Variants in PCSK6 observed in about 807,000 individuals in gnomAD.
The protein encoded by PCSK6 is proprotein convertase subtilisin/kexin type 6.
A neutral mutation model predicts 123.3 loss-of-function variants in PCSK6; 85 were observed. The observed-to-expected ratio is 0.69, with a 90% confidence interval of 0.58 to 0.83. The LOEUF (loss-of-function observed/expected upper bound fraction) is 0.83. Ranked by LOEUF, PCSK6 falls within the 40% of genes least tolerant of loss-of-function variation. The probability of loss-of-function intolerance (pLI) is 0.00; values close to 1 mark genes in which losing one functional copy is unlikely to be tolerated. For missense variants in PCSK6, 1,191 were observed against 1,282.3 expected (o/e 0.93, Z 1.09); for synonymous variants, 508 against 516.0 (o/e 0.98, Z 0.21).
chr15:101,452,093 A>G (rs530183928), intron 1 of PCSK6, among the ~76,000 whole-genome samples: 1 of 152,370 alleles, frequency 6.6e-6, no homozygotes, highest in East Asian at 1.9e-4. Context: ...ATGATTGCAC[A>G]ATTTCCCAGT....
chr15:101,411,545 G>C (rs2055686250), intron 6 of PCSK6, among the ~76,000 whole-genome samples: 3 of 152,206 alleles, frequency 2.0e-5, no homozygotes, highest in African/African-American at 7.2e-5. Flanking sequence ...GGACGACCAA[G>C]AAGCAGCCCA....
At chr15:101,471,813 C>T (rs141172770) in intron 1 of PCSK6, among the ~76,000 whole-genome samples, 34 of 152,300 alleles carry the variant, frequency 2.2e-4, no homozygotes, top group African/African-American at 7.9e-4. Flanking sequence ...CATGCCCCCA[C>T]ATTTGGTTTT....
intron 13 of PCSK6, among the ~76,000 whole-genome samples, chr15:101,356,287 C>T (rs1204210300): frequency 6.6e-6 from 1 of 152,054 alleles, no homozygotes; most frequent in Non-Finnish European, 1.5e-5. Flanking sequence ...GTGGAAGCTG[C>T]CCCCTCTTCC....
chr15:101,465,813 A>C (rs200325278), intron 1 of PCSK6, among the ~76,000 whole-genome samples: 4 of 152,322 alleles, frequency 2.6e-5, no homozygotes, highest in East Asian at 1.9e-4. Flanking sequence ...AACCACTAAA[A>C]AAATTTTAAG....
At chr15:101,385,858 GGCC>G (rs1009254428) in intron 9 of PCSK6, among the ~76,000 whole-genome samples, 1 of 152,134 alleles carries the variant, frequency 6.6e-6, no homozygotes, top group Non-Finnish European at 1.5e-5. Flanking sequence ...TCATGGTTCC[GGCC>G]GCCATTTGAC....
intron 13 of PCSK6, among the ~76,000 whole-genome samples, chr15:101,332,239 C>T (rs1168718536): frequency 6.6e-6 from 1 of 152,218 alleles, no homozygotes; most frequent in East Asian, 1.9e-4. Context: ...CAAGCCAGTG[C>T]CCTTTTATTC....
chr15:101,327,824 G>A (rs2040291700), intron 15 of PCSK6, among the ~76,000 whole-genome samples: 1 of 152,050 alleles, frequency 6.6e-6, no homozygotes, highest in African/African-American at 2.4e-5. Context: ...TTTTCACTGG[G>A]GGGGCTTTGC....
intron 19 of PCSK6, among the ~76,000 whole-genome samples, chr15:101,314,472 G>C (rs555857127): frequency 6.4e-4 from 98 of 152,342 alleles, no homozygotes; most frequent in Non-Finnish European, 1.3e-3. Flanking sequence ...CCTCCTCACA[G>C]CTGCTTCAGT....
At chr15:101,466,914 A>C (rs2057474703) in intron 1 of PCSK6, among the ~76,000 whole-genome samples, 1 of 152,122 alleles carries the variant, frequency 6.6e-6, no homozygotes, top group Non-Finnish European at 1.5e-5. Context: ...TGAAAATGTT[A>C]TCAGATGGGG....
chr15:101,381,362 CTCAATCAA>C (rs201058324), intron 11 of PCSK6, among the ~76,000 whole-genome samples: 5 of 151,840 alleles, frequency 3.3e-5, no homozygotes, highest in Non-Finnish European at 7.4e-5. Context: ...AAAACTCGGT[CTCAATCAA>C]TCAATCAATC....
At chr15:101,340,818 T>C (rs2040585492) in intron 13 of PCSK6, among the ~76,000 whole-genome samples, 2 of 152,096 alleles carry the variant, frequency 1.3e-5, no homozygotes, top group South Asian at 2.1e-4. Context: ...CCAATATTTA[T>C]TGTCTTTCCC....
At chr15:101,442,467 G>A (rs139495953) in intron 2 of PCSK6, among the ~76,000 whole-genome samples, 3 of 152,150 alleles carry the variant, frequency 2.0e-5, no homozygotes, top group East Asian at 1.9e-4. Flanking sequence ...CTCACCATGC[G>A]ATGCCCCAGA....
chr15:101,412,759 G>GAACAGAGC (rs2055741414), intron 6 of PCSK6, among the ~76,000 whole-genome samples: 1 of 146,524 alleles, frequency 6.8e-6, no homozygotes, highest in Admixed American at 6.8e-5. Flanking sequence ...TTAAAAATAT[G>GAACAGAGC]AACAGAGCAT....
intron 15 of PCSK6, among the ~76,000 whole-genome samples, chr15:101,327,314 A>T (rs553166898): frequency 5.2e-4 from 79 of 152,252 alleles, no homozygotes; most frequent in African/African-American, 1.8e-3. Flanking sequence ...GGTCCTTCCC[A>T]GGTATCCCAG....
At chr15:101,421,361 T>A (rs899902572) in intron 6 of PCSK6, among the ~76,000 whole-genome samples, 2 of 152,234 alleles carry the variant, frequency 1.3e-5, no homozygotes, top group African/African-American at 4.8e-5. Flanking sequence ...TTAAACTATG[T>A]CCACAGGTTT....
intron 6 of PCSK6, among the ~76,000 whole-genome samples, chr15:101,403,233 G>C (rs1477947646): frequency 2.2e-5 from 3 of 133,354 alleles, no homozygotes; most frequent in African/African-American, 5.7e-5. Context: ...AGAACACATG[G>C]ACACAGGAAG....
intron 1 of PCSK6, among the ~76,000 whole-genome samples, chr15:101,481,063 G>A (rs1031625819): frequency 2.0e-5 from 3 of 152,268 alleles, no homozygotes; most frequent in Non-Finnish European, 4.4e-5. Flanking sequence ...ATAAATGAAC[G>A]CACGTCTGCC....
At chr15:101,366,139 AG>A in intron 13 of PCSK6, 56 bp downstream of exon 13, 1 of 1,537,482 alleles carries the variant, frequency 6.5e-7, no homozygotes, top group Non-Finnish European at 8.8e-7. Flanking sequence ...TAAGGCCCAG[AG>A]GTAAAAAGAG....
intron 6 of PCSK6, among the ~76,000 whole-genome samples, chr15:101,424,325 C>G (rs535168640): frequency 1.7e-4 from 26 of 151,068 alleles, no homozygotes; most frequent in Admixed American, 3.3e-4. Flanking sequence ...GACTCATCGT[C>G]GGAAACAATG....
Sources: allele counts gnomAD v4.1 joint callset (sites outside exome capture counted in the v4.1 genomes callset), GRCh38; gene constraint gnomAD v4.1.1; transcripts MANE v1.5; gene names NCBI Gene and HGNC (gene_info 2026-07-23, HGNC 2026-07-21).